Variants in RAB38 observed in about 807,000 individuals in gnomAD.
RAB38 encodes ras-related protein Rab-38.
Under a neutral mutation model 18.4 loss-of-function variants are expected in RAB38, and 15 were observed. The ratio of observed to expected loss-of-function variants is 0.82; its 90% CI spans 0.55 to 1.26. The LOEUF is 1.26. Ranked by LOEUF, RAB38 falls within the 50% of genes most tolerant of loss-of-function variation. The pLI, the probability that RAB38 is intolerant of heterozygous loss-of-function variation, is 0.00. For synonymous variants in RAB38, 101 were observed against 104.4 expected, an observed-to-expected ratio of 0.97 and a Z score of 0.20; for missense variants, 294 against 267.4, an observed-to-expected ratio of 1.10 and a Z score of -0.69.
chr11:88,166,355 A>G (rs1008208071), intron 1 of RAB38: 2 of 152,138 alleles, frequency 1.3e-5, no homozygotes, highest in African/African-American at 4.8e-5. Context: ...TTATAACTCA[A>G]TGCTGAAGAC....
chr11:88,104,998 T>C, the RAB38 span, among the ~76,000 whole-genome samples: 2 of 152,140 alleles, frequency 1.3e-5, no homozygotes, highest in African/African-American at 4.8e-5. Context: ...CCTTCTTTGA[T>C]TACTCTCAAT....
the RAB38 span, among the ~76,000 whole-genome samples, chr11:87,958,645 A>G: frequency 6.6e-6 from 1 of 152,174 alleles, no homozygotes; most frequent in Non-Finnish European, 1.5e-5. Flanking sequence ...ATTAATTTGG[A>G]GATTTCAGGA....
At chr11:88,015,070 AT>A in the RAB38 span, among the ~76,000 whole-genome samples, 1 of 150,744 alleles carries the variant, frequency 6.6e-6, no homozygotes, top group Non-Finnish European at 1.5e-5. Context: ...TTTTTTACAA[AT>A]TTTTTCAGTT....
At chr11:88,020,334 A>G in the RAB38 span, among the ~76,000 whole-genome samples, 1 of 152,224 alleles carries the variant, frequency 6.6e-6, no homozygotes, top group Non-Finnish European at 1.5e-5. Flanking sequence ...ATTTCCAGAC[A>G]AAAACTGTAA....
At chr11:88,111,845 G>C (rs941343346), downstream of RAB38, among the ~76,000 whole-genome samples, 9 of 152,196 alleles carry the variant, frequency 5.9e-5, no homozygotes, top group African/African-American at 2.2e-4. Flanking sequence ...AGAACACAAT[G>C]AGCTGGCAGA....
At chr11:88,131,972 A>G (rs1292803695) in intron 2 of RAB38, among the ~76,000 whole-genome samples, 1 of 152,230 alleles carries the variant, frequency 6.6e-6, no homozygotes, top group African/African-American at 2.4e-5. Context: ...AACAGCCAGC[A>G]AGAAAACAGA....
chr11:88,066,090 T>C, the RAB38 span, among the ~76,000 whole-genome samples: 1 of 152,232 alleles, frequency 6.6e-6, no homozygotes, highest in Admixed American at 6.5e-5. Flanking sequence ...CGTATTTGAC[T>C]TGAAATTTAA....
the RAB38 span, among the ~76,000 whole-genome samples, chr11:87,932,286 T>C: frequency 6.6e-6 from 1 of 151,820 alleles, no homozygotes; most frequent in South Asian, 2.1e-4. Flanking sequence ...GAACTTAAAG[T>C]AAAATTTTTA....
the RAB38 span, among the ~76,000 whole-genome samples, chr11:87,945,206 C>A: frequency 6.6e-6 from 1 of 152,218 alleles, no homozygotes; most frequent in East Asian, 1.9e-4. Flanking sequence ...TGTATTGTAT[C>A]TGATTATGAC....
chr11:87,865,181 C>T, the RAB38 span, among the ~76,000 whole-genome samples: 2 of 151,590 alleles, frequency 1.3e-5, no homozygotes, highest in African/African-American at 2.4e-5. Context: ...TGAATAACAT[C>T]CCCCGAAGAT....
chr11:87,931,893 G>T, the RAB38 span, among the ~76,000 whole-genome samples: 1 of 151,948 alleles, frequency 6.6e-6, no homozygotes, highest in African/African-American at 2.4e-5. Context: ...AGCAGAAGGG[G>T]CCAGGGAGTA....
At chr11:87,847,508 T>C in the RAB38 span, among the ~76,000 whole-genome samples, 62 of 152,228 alleles carry the variant, frequency 4.1e-4, no homozygotes, top group African/African-American at 1.4e-3. Flanking sequence ...AAATTCTCCC[T>C]CTCTTTCAAA....
At chr11:88,058,432 C>T in the RAB38 span, among the ~76,000 whole-genome samples, 1 of 152,084 alleles carries the variant, frequency 6.6e-6, no homozygotes, top group African/African-American at 2.4e-5. Flanking sequence ...AAGAGTAGAG[C>T]TTAGTGGTAG....
At chr11:88,040,664 C>T in the RAB38 span, among the ~76,000 whole-genome samples, 52 of 152,186 alleles carry the variant, frequency 3.4e-4, no homozygotes, top group South Asian at 7.1e-3. Flanking sequence ...GACTGCACCA[C>T]GGTACTCCAG....
chr11:88,072,978 A>G, the RAB38 span, among the ~76,000 whole-genome samples: 1 of 152,172 alleles, frequency 6.6e-6, no homozygotes, highest in Non-Finnish European at 1.5e-5. Flanking sequence ...CTCAGAGCGA[A>G]CAATAAGAGA....
the RAB38 span, among the ~76,000 whole-genome samples, chr11:87,966,419 G>A: frequency 6.6e-6 from 1 of 152,058 alleles, no homozygotes; most frequent in Non-Finnish European, 1.5e-5. Context: ...AAGAGAAATG[G>A]CAATAAAGAG....
chr11:88,050,411 T>C, the RAB38 span, among the ~76,000 whole-genome samples: 12 of 152,250 alleles, frequency 7.9e-5, no homozygotes, highest in Admixed American at 7.8e-4. Context: ...CTTATCTAAG[T>C]CCCTCCCACT....
the RAB38 span, among the ~76,000 whole-genome samples, chr11:87,832,611 A>C: frequency 3.3e-5 from 5 of 152,140 alleles, no homozygotes; most frequent in African/African-American, 1.2e-4. Flanking sequence ...CCAAGCACCC[A>C]GGCCCCTATA....
the RAB38 span, among the ~76,000 whole-genome samples, chr11:87,936,164 T>C: frequency 6.6e-6 from 1 of 152,050 alleles, no homozygotes; most frequent in African/African-American, 2.4e-5. Flanking sequence ...AATTATCAAT[T>C]TTTTTCTTTT....
Sources: allele counts gnomAD v4.1 joint callset (sites outside exome capture counted in the v4.1 genomes callset), GRCh38; gene constraint gnomAD v4.1.1; transcripts MANE v1.5; gene names NCBI Gene and HGNC (gene_info 2026-07-23, HGNC 2026-07-21).